Variants in SLC43A2 observed in about 807,000 individuals in gnomAD.
SLC43A2 encodes the protein large neutral amino acids transporter small subunit 4.
A neutral mutation model predicts 63.2 loss-of-function variants in SLC43A2; 38 were observed. That is an observed-to-expected ratio of 0.60 (90% confidence interval 0.46 to 0.79). The LOEUF (loss-of-function observed/expected upper bound fraction) is 0.79. Ranked by LOEUF, SLC43A2 falls within the 30% of genes least tolerant of loss-of-function variation. The pLI is 0.00. For missense variants in SLC43A2, 644 were observed against 756.2 expected (o/e 0.85, Z 1.74); for synonymous variants, 322 against 331.0 (o/e 0.97, Z 0.30).
rs1475130867 is a variant in SLC43A2, at chr17:1,574,548, G to A, written c.*1056C>T. ...ACACTTCTGGGGGCAGTCAAGGTGG[G>A]CGGGTTGGTGGGCCAGGCGGACGGG... is the stretch of plus-strand genomic sequence containing the variant. On this transcript the variant is annotated 3_prime_UTR_variant, in exon 14 of 14. Coordinates refer to ENST00000301335, the MANE Select transcript of SLC43A2 (RefSeq NM_152346.3). The A allele has an allele frequency of 1.3e-5, 2 of 152,502 alleles. No individual in the cohort carries two copies. Among genetic ancestry groups the A allele is most frequent in the East Asian group, 3.8e-4 (2 of 5,204 alleles). 9.4% of individuals were successfully genotyped at this position (152,502 alleles called of 1,614,324 possible).
At chr17:1,579,437 G>A (rs2075980424) in intron 11 of SLC43A2, among the ~76,000 whole-genome samples, 1 of 151,160 alleles carries the variant, frequency 6.6e-6, no homozygotes, top group Admixed American at 6.6e-5. Context: ...CTCCAGCCTG[G>A]GTGACAGAGC....
chr17:1,593,327 G>A lies in SLC43A2; in HGVS notation c.502-48C>T. The A allele has an allele frequency of 6.4e-7, 1 of 1,556,376 alleles. No homozygotes were observed. Among genetic ancestry groups the A allele is most frequent in the Non-Finnish European group, 8.8e-7 (1 of 1,133,668 alleles). On this transcript the variant is annotated intron_variant, in intron 5 of 13. Coordinates refer to ENST00000301335, the MANE Select transcript of SLC43A2 (RefSeq NM_152346.3). The surrounding 1 kb of genome is among the most constrained non-coding windows in gnomAD (Gnocchi z 5.3). ...ACCTCAGTGGGGAGGATGCACCAGG[G>A]AAGGGGAGGAGGAGGGGACAGAGAA...
chr17:1,622,351 C>T (rs922791022), intron 2 of SLC43A2, among the ~76,000 whole-genome samples: 15 of 150,162 alleles, frequency 1.0e-4, no homozygotes, highest in Non-Finnish European at 1.8e-4. Flanking sequence ...ATCACGAGGT[C>T]AGGAGATCAA....
At chr17:1,591,525 C>T (rs575216988) in intron 7 of SLC43A2, 41 bp downstream of exon 7, 30 of 1,605,268 alleles carry the variant, frequency 1.9e-5, no homozygotes, top group Admixed American at 5.1e-5. Flanking sequence ...GGCTGGGGGG[C>T]GGGGGCTGGG....
chr17:1,600,500 CAAAAG>C (rs914378305), intron 5 of SLC43A2, among the ~76,000 whole-genome samples: 21 of 147,012 alleles, frequency 1.4e-4, no homozygotes, highest in Admixed American at 3.5e-4. Context: ...CTAAGGTGAG[CAAAAG>C]AAGAGACATT....
rs191420711 is a variant in SLC43A2, at chr17:1,578,367, C to T, written c.1351-44G>A. The T allele has an allele frequency of 8.7e-5, 138 of 1,589,216 alleles. No individual in the cohort carries two copies. Among genetic ancestry groups the T allele is most frequent in the Middle Eastern group, 1.8e-4 (1 of 5,710 alleles). On this transcript the variant is annotated intron_variant, in intron 11 of 13. Coordinates refer to ENST00000301335, the MANE Select transcript of SLC43A2 (RefSeq NM_152346.3). The surrounding 1 kb of genome is among the most constrained non-coding windows in gnomAD (Gnocchi z 6.5). ...ACTGTGGGCATAAGGCCTTAAGGGA[C>T]CGTCCCCTCAGCCCCCGCCCTCCAA... is the stretch of plus-strand genomic sequence containing the variant.
Position 1,591,488 on chromosome 17 carries a change from G to A in SLC43A2, c.729-17C>T, listed in dbSNP as rs770119829. The A allele has an allele frequency of 9.9e-6, 16 of 1,612,436 alleles. No individual in the cohort carries two copies. Among genetic ancestry groups the A allele is most frequent in the Non-Finnish European group, 1.4e-5 (16 of 1,179,822 alleles). ...ATCTTCACCCTGGGGCCCCGGGAGA[G>A]TGTCTGTGGGTGCTGCCCGGGACCC... On this transcript the variant is annotated splice_polypyrimidine_tract_variant and intron_variant, in intron 7 of 13. Coordinates refer to ENST00000301335, the MANE Select transcript of SLC43A2 (RefSeq NM_152346.3).
intron 9 of SLC43A2, among the ~76,000 whole-genome samples, chr17:1,586,749 T>G (rs1003021742): frequency 6.6e-6 from 1 of 152,026 alleles, no homozygotes; most frequent in Non-Finnish European, 1.5e-5. Context: ...ATGTCAGGGC[T>G]TCCATATTCA....
In SLC43A2 at chr17:1,605,283, A is replaced by C; in HGVS notation, c.501+7912T>G. On this transcript the variant is annotated intron_variant, in intron 5 of 13. Coordinates refer to ENST00000301335, the MANE Select transcript of SLC43A2 (RefSeq NM_152346.3). This position sits in a 1 kb window ranked among gnomAD's most constrained non-coding sequence, Gnocchi z 4.9. Reference sequence around the variant, plus strand: ...CAGCATAAACAGGCCGGACTGTGTGACCTTCCCAGAGGGGAAAACAGCAGC... The same window carrying C: ...CAGCATAAACAGGCCGGACTGTGTGCCCTTCCCAGAGGGGAAAACAGCAGC... The C allele has an allele frequency of 9.9e-7, 1 of 1,012,868 alleles. No individual in the cohort carries two copies. The highest frequency in any genetic ancestry group is 1.2e-6 in the Non-Finnish European group (1 of 836,938). The allele number at this position is 1,012,868 out of a possible 1,614,324, so 62.7% of individuals were successfully genotyped here.
At position 1,576,521 on chromosome 17, in the gene SLC43A2, C is replaced by T. The variant is rs940339499; in HGVS notation, c.1548+76G>A. The T allele has an allele frequency of 7.3e-6, 11 of 1,511,002 alleles. No individual in the cohort carries two copies. The South Asian group carries it at 7.5e-5, about 10-fold the overall frequency. 93.6% of individuals were successfully genotyped at this position (1,511,002 alleles called of 1,614,324 possible). On this transcript the variant is annotated intron_variant, in intron 13 of 13. Transcript: ENST00000301335. ...CATGTCCTCGGGGCCCTGAAGCCCCCGAGGGGGACCTTGCAGCTCGCAGTT... is the reference window on the plus strand; with the variant it reads ...CATGTCCTCGGGGCCCTGAAGCCCCTGAGGGGGACCTTGCAGCTCGCAGTT...
intron 5 of SLC43A2, among the ~76,000 whole-genome samples, chr17:1,596,947 T>C (rs1401380936): frequency 2.6e-5 from 4 of 152,186 alleles, no homozygotes; most frequent in African/African-American, 7.2e-5. Flanking sequence ...CCAGGCGCGG[T>C]GGCTCACGCC....
intron 10 of SLC43A2, among the ~76,000 whole-genome samples, chr17:1,585,042 G>A (rs773090585): frequency 4.0e-5 from 6 of 151,746 alleles, no homozygotes; most frequent in Non-Finnish European, 7.4e-5. Context: ...ATGATTGAAT[G>A]CAATGAATGA....
In SLC43A2 at chr17:1,572,341, C is replaced by T. The variant is rs1481612660; in HGVS notation, c.*3263G>A. On this transcript the variant is annotated 3_prime_UTR_variant, in exon 14 of 14. Coordinates refer to ENST00000301335, the MANE Select transcript of SLC43A2 (RefSeq NM_152346.3). ...CCTGGTGGCCCCTGAGCTGCTGCTC[C>T]GAGTGGAATGTCCTGGTCTAGAGGC... The T allele has an allele frequency of 6.7e-6, 1 of 149,962 alleles. No individual in the cohort carries two copies. The highest frequency in any genetic ancestry group is 6.6e-5 in the Admixed American group (1 of 15,132). The allele number at this position is 149,962 out of a possible 1,614,324, so 9.3% of individuals were successfully genotyped here.
intron 5 of SLC43A2, among the ~76,000 whole-genome samples, chr17:1,595,837 A>G (rs189091235): frequency 1.0e-3 from 153 of 152,252 alleles, no homozygotes; most frequent in African/African-American, 3.5e-3. Context: ...TTGGCCTCCC[A>G]AAATAAATAA....
At chr17:1,584,975 T>C (rs1016641584) in intron 10 of SLC43A2, among the ~76,000 whole-genome samples, 39 of 152,172 alleles carry the variant, frequency 2.6e-4, no homozygotes, top group African/African-American at 8.9e-4. Context: ...AGCAACTCAC[T>C]ACTCAAACTG....
At chr17:1,592,885 C>G (rs577081501) in intron 6 of SLC43A2, among the ~76,000 whole-genome samples, 18 of 152,142 alleles carry the variant, frequency 1.2e-4, no homozygotes, top group Non-Finnish European at 1.9e-4. Context: ...ACCAGGATGA[C>G]GGAGGAGACG....
intron 5 of SLC43A2, among the ~76,000 whole-genome samples, chr17:1,602,846 C>T (rs1181008370): frequency 6.7e-6 from 1 of 150,326 alleles, no homozygotes; most frequent in Non-Finnish European, 1.5e-5. Flanking sequence ...GCAACCTCCA[C>T]CTCCCGGGTT....
intron 2 of SLC43A2, among the ~76,000 whole-genome samples, chr17:1,620,090 C>T (rs1300736579): frequency 6.6e-6 from 1 of 152,184 alleles, no homozygotes; most frequent in Non-Finnish European, 1.5e-5. Context: ...CTAGGCCAGG[C>T]ACGGTGGCTC....
At chr17:1,618,005 A>C (rs2151077251) in intron 2 of SLC43A2, among the ~76,000 whole-genome samples, 1 of 152,314 alleles carries the variant, frequency 6.6e-6, no homozygotes, top group East Asian at 1.9e-4. Context: ...TCACGCTGGG[A>C]GAGTCAAGGA....
Sources: allele counts gnomAD v4.1 joint callset (sites outside exome capture counted in the v4.1 genomes callset), GRCh38; gene constraint gnomAD v4.1.1; non-coding constraint Gnocchi (gnomAD v3.1); transcripts MANE v1.5; gene names NCBI Gene and HGNC (gene_info 2026-07-23, HGNC 2026-07-21).